Variants in TRMT11 observed in about 807,000 individuals in gnomAD.
The protein encoded by TRMT11 is tRNA methyltransferase 11.
Under a neutral mutation model 62.8 loss-of-function variants are expected in TRMT11, and 53 were observed. The observed-to-expected ratio is 0.84, with a 90% CI of 0.68 to 1.06. The LOEUF (loss-of-function observed/expected upper bound fraction) is 1.06. Ranked by LOEUF, TRMT11 falls within the 50% of genes least tolerant of loss-of-function variation. TRMT11 has a pLI of 0.00. For synonymous variants in TRMT11, 188 were observed against 190.3 expected (o/e 0.99, Z 0.10); for missense variants, 556 against 553.4 (o/e 1.00, Z -0.05).
At chr6:126,163,441 TG>T in intron 21 of TRMT11, among the ~76,000 whole-genome samples, 1 of 152,192 alleles carries the variant, frequency 6.6e-6, no homozygotes, top group East Asian at 1.9e-4. Flanking sequence ...AATGTGCTGC[TG>T]GATTTGGTTT....
chr6:126,161,864 G>A (rs1022150524), intron 21 of TRMT11, among the ~76,000 whole-genome samples: 16 of 152,076 alleles, frequency 1.1e-4, no homozygotes, highest in African/African-American at 3.6e-4. Context: ...TCATATGTTT[G>A]TTGGCTGCAT....
upstream of TRMT11, among the ~76,000 whole-genome samples, chr6:126,175,164 G>A (rs1021205102): frequency 5.3e-5 from 8 of 152,120 alleles, no homozygotes; most frequent in African/African-American, 1.9e-4. Context: ...CCCTGGTACT[G>A]GGACAGTGAT....
chr6:126,094,842 G>A (rs1777323403), intron 17 of TRMT11, among the ~76,000 whole-genome samples: 3 of 152,168 alleles, frequency 2.0e-5, no homozygotes, highest in African/African-American at 2.4e-5. Context: ...ACTCTCATAT[G>A]TGTTAACTCT....
At chr6:126,148,081 C>G (rs1267385929) in intron 21 of TRMT11, among the ~76,000 whole-genome samples, 1 of 152,198 alleles carries the variant, frequency 6.6e-6, no homozygotes, top group East Asian at 1.9e-4. Context: ...GTATGATGCT[C>G]TATATAAAAT....
chr6:126,084,773 C>G (rs576445350), intron 17 of TRMT11, among the ~76,000 whole-genome samples: 29 of 152,228 alleles, frequency 1.9e-4, no homozygotes, highest in Non-Finnish European at 8.8e-5. Flanking sequence ...GAAGAAAATC[C>G]TACCAGTTGT....
the TRMT11 span, among the ~76,000 whole-genome samples, chr6:126,251,123 C>T: frequency 9.9e-3 from 1,501 of 151,722 alleles, 33 homozygotes; most frequent in African/African-American, 0.034. Flanking sequence ...CTCCGCCTCC[C>T]GGGTTCAAGC....
At chr6:126,242,273 C>T in the TRMT11 span, among the ~76,000 whole-genome samples, 1 of 152,124 alleles carries the variant, frequency 6.6e-6, no homozygotes, top group African/African-American at 2.4e-5. Flanking sequence ...CACTGCTCAA[C>T]TAAATAAAAG....
At chr6:126,064,812 T>G (rs1035077709) in intron 17 of TRMT11, among the ~76,000 whole-genome samples, 5 of 152,234 alleles carry the variant, frequency 3.3e-5, no homozygotes, top group African/African-American at 1.2e-4. Flanking sequence ...TGATAATTTG[T>G]TCCACCCAGA....
At chr6:126,067,100 C>T (rs761305712) in intron 17 of TRMT11, among the ~76,000 whole-genome samples, 14 of 151,294 alleles carry the variant, frequency 9.3e-5, no homozygotes, top group Non-Finnish European at 1.8e-4. Flanking sequence ...TGGTGGTGTG[C>T]GCCTGTAATC....
chr6:126,097,023 T>C (rs563451692), intron 17 of TRMT11, among the ~76,000 whole-genome samples: 1 of 152,310 alleles, frequency 6.6e-6, no homozygotes, highest in Non-Finnish European at 1.5e-5. Context: ...CAGGGAACAT[T>C]ATTTGTCTCA....
downstream of TRMT11, among the ~76,000 whole-genome samples, chr6:126,208,747 C>A (rs1472282152): frequency 6.6e-6 from 1 of 152,204 alleles, no homozygotes; most frequent in East Asian, 1.9e-4. Flanking sequence ...AAACAACTTT[C>A]TCAATCACAT....
At chr6:126,230,567 C>T in the TRMT11 span, among the ~76,000 whole-genome samples, 1 of 152,152 alleles carries the variant, frequency 6.6e-6, no homozygotes, top group Non-Finnish European at 1.5e-5. Flanking sequence ...ATTTTGGCAA[C>T]TCTTCAGCAA....
intron 21 of TRMT11, among the ~76,000 whole-genome samples, chr6:126,137,058 C>G (rs1010153816): frequency 5.3e-5 from 8 of 151,454 alleles, no homozygotes; most frequent in African/African-American, 1.5e-4. Flanking sequence ...TGGGGACATA[C>G]AGGACATTGG....
intron 17 of TRMT11, among the ~76,000 whole-genome samples, chr6:126,097,510 T>C (rs1176234171): frequency 1.3e-5 from 2 of 152,198 alleles, no homozygotes; most frequent in Non-Finnish European, 2.9e-5. Flanking sequence ...CAATAGTATA[T>C]AGTGGTGCTT....
intron 17 of TRMT11, among the ~76,000 whole-genome samples, chr6:126,082,883 G>C (rs142106139): frequency 0.014 from 2,093 of 152,174 alleles, 47 homozygotes; most frequent in African/African-American, 0.048. Flanking sequence ...AGTGGTTAAA[G>C]TAGTGGTTAA....
At chr6:126,061,046 C>T (rs895700536) in intron 17 of TRMT11, among the ~76,000 whole-genome samples, 4 of 152,176 alleles carry the variant, frequency 2.6e-5, no homozygotes, top group African/African-American at 9.7e-5. Flanking sequence ...GTGAGAAGTA[C>T]AGTGGCTAAA....
At chr6:126,125,557 A>G (rs1777707645) in intron 21 of TRMT11, among the ~76,000 whole-genome samples, 1 of 152,080 alleles carries the variant, frequency 6.6e-6, no homozygotes, top group Non-Finnish European at 1.5e-5. Flanking sequence ...TCAAGGTTCT[A>G]TTATGGGCCA....
intron 21 of TRMT11, among the ~76,000 whole-genome samples, chr6:126,168,719 C>T (rs528185626): frequency 2.1e-4 from 32 of 152,260 alleles, no homozygotes; most frequent in African/African-American, 7.7e-4. Flanking sequence ...GAGTTTCACC[C>T]TGTTGGCCAG....
At chr6:126,130,367 A>T (rs908602289) in intron 21 of TRMT11, among the ~76,000 whole-genome samples, 1 of 152,064 alleles carries the variant, frequency 6.6e-6, no homozygotes, top group Non-Finnish European at 1.5e-5. Context: ...ATCCTTTTAT[A>T]TATGTAATAT....
Sources: gnomAD v4.1 joint callset for allele counts (sites outside exome capture counted in the v4.1 genomes callset) on GRCh38, gnomAD v4.1.1 for gene constraint, MANE v1.5 for transcripts, NCBI Gene and HGNC (gene_info 2026-07-23, HGNC 2026-07-21) for gene names.